Variants in OMA1 observed in about 807,000 individuals in gnomAD.
The protein encoded by OMA1 is metalloendopeptidase OMA1, mitochondrial.
In OMA1, 38 loss-of-function variants were observed where a neutral mutation model predicts 30.9. The observed-to-expected ratio is 1.23, with a 90% confidence interval of 0.95 to 1.61. OMA1 has a LOEUF of 1.61. Ranked by LOEUF, OMA1 falls within the 40% of genes most tolerant of loss-of-function variation. OMA1 has a pLI of 0.00. For synonymous variants in OMA1, 173 were observed against 121.9 expected, an observed-to-expected ratio of 1.42 and a Z score of -2.76; for missense variants, 461 against 349.2, an observed-to-expected ratio of 1.32 and a Z score of -2.55.
chr1:58,490,816 TTTTTTTTTTG>T (rs1314698265), intron 8 of OMA1, among the ~76,000 whole-genome samples: 1 of 133,804 alleles, frequency 7.5e-6, no homozygotes, highest in Non-Finnish European at 1.6e-5. Context: ...TTTTTTTTTT[TTTTTTTTTTG>T]AGACGGACTC....
At chr1:58,509,913 A>G (rs6587821) in intron 7 of OMA1, among the ~76,000 whole-genome samples, 27,026 of 152,020 alleles carry the variant, frequency 0.18, 2,537 homozygotes, top group Middle Eastern at 0.23. Flanking sequence ...ATAAACTCCA[A>G]GAAATATACA....
intron 6 of OMA1, among the ~76,000 whole-genome samples, chr1:58,528,255 A>T (rs1488069660): frequency 6.6e-6 from 1 of 152,222 alleles, no homozygotes; most frequent in East Asian, 1.9e-4. Flanking sequence ...CTGTGGCTTT[A>T]AAAAGAGAGA....
intron 8 of OMA1, among the ~76,000 whole-genome samples, chr1:58,496,825 A>C (rs901147281): frequency 6.6e-6 from 1 of 152,208 alleles, no homozygotes; most frequent in Non-Finnish European, 1.5e-5. Flanking sequence ...TCTGAGTTCT[A>C]AATAGATTCT....
At chr1:58,502,564 C>T (rs1028514678) in intron 8 of OMA1, among the ~76,000 whole-genome samples, 2 of 152,130 alleles carry the variant, frequency 1.3e-5, no homozygotes, top group South Asian at 2.1e-4. Context: ...AGGACAGGAA[C>T]CTTAGGTAGA....
At chr1:58,537,062 TTC>T (rs150887072) in intron 2 of OMA1, among the ~76,000 whole-genome samples, 229 of 145,290 alleles carry the variant, frequency 1.6e-3, no homozygotes, top group East Asian at 4.8e-3. Context: ...ACATGCAAAA[TTC>T]TCTCTCTCTC....
chr1:58,546,312 G>A (rs1242968936), intron 1 of OMA1, among the ~76,000 whole-genome samples: 1 of 152,230 alleles, frequency 6.6e-6, no homozygotes, highest in Admixed American at 6.5e-5. Flanking sequence ...GGAGCCCGAA[G>A]CCCCGCGGGT....
At chr1:58,502,071 G>A (rs769994286) in intron 8 of OMA1, among the ~76,000 whole-genome samples, 26 of 152,192 alleles carry the variant, frequency 1.7e-4, no homozygotes, top group South Asian at 8.3e-4. Context: ...AATACTTGTT[G>A]AATGCATAAA....
chr1:58,523,737 A>C (rs1167590767), intron 7 of OMA1, among the ~76,000 whole-genome samples: 1 of 152,092 alleles, frequency 6.6e-6, no homozygotes, highest in Non-Finnish European at 1.5e-5. Flanking sequence ...ATCTCTACTA[A>C]AAACACAAAA....
At chr1:58,546,567 G>T in intron 1 of OMA1, 136 bp downstream of exon 1, 1 of 138,684 alleles carries the variant, frequency 7.2e-6, no homozygotes, top group Non-Finnish European at 1.5e-5. Context: ...CCATCCCCAA[G>T]GATCCCCACT....
intron 7 of OMA1, among the ~76,000 whole-genome samples, chr1:58,511,947 TA>T (rs1379275152): frequency 6.6e-6 from 1 of 151,982 alleles, no homozygotes; most frequent in African/African-American, 2.4e-5. Context: ...TCTGCACAGC[TA>T]AGGAAACAGA....
intron 8 of OMA1, among the ~76,000 whole-genome samples, chr1:58,495,085 A>G (rs1425902475): frequency 6.6e-6 from 1 of 152,226 alleles, no homozygotes; most frequent in Non-Finnish European, 1.5e-5. Flanking sequence ...AATACTATGC[A>G]GCCATAAAAA....
rs774054945 is a variant in OMA1 at position 58,538,932 on chromosome 1, T to C, written c.363A>G (p.Val121=). 3 of 872,780 alleles carry C rather than the reference T, an allele frequency of 3.4e-6. No individual in the cohort carries two copies. The African/African-American group carries it at 4.9e-5, about 14-fold the overall frequency. 54.1% of individuals were successfully genotyped at this position (872,780 alleles called of 1,614,324 possible). A position where few individuals can be genotyped will look rare whatever the true frequency, so the allele number is the denominator to read the frequency against. Residue 121 remains valine (V), a synonymous_variant, in exon 2 of 9, where the codon GTA becomes GTG. Coordinates refer to ENST00000371226, the MANE Select transcript of OMA1 (RefSeq NM_145243.5). ...TGGAAGCAGGGCTTAGAGGATGCAA[T>C]ACTGACAGACTAGGGACTGCTGTAA... is the stretch of plus-strand genomic sequence containing the variant. The part of the protein sequence containing the change: ...KEVTAVPSLS[V]LHPLSPASIR...
intron 3 of OMA1, among the ~76,000 whole-genome samples, chr1:58,534,542 GT>G (rs895593285): frequency 3.3e-5 from 5 of 152,148 alleles, no homozygotes; most frequent in African/African-American, 7.2e-5. Flanking sequence ...CTAATACTAA[GT>G]TTTTTTATGA....
In OMA1 at chr1:58,513,827, C is replaced by G. The variant is rs543813601; in HGVS notation, c.1216-7618G>C. 2.0e-5 allele frequency among the ~76,000 whole-genome samples: 3 copies of G among 152,254 alleles called. No homozygotes were observed. In the East Asian group the frequency reaches 5.8e-4, roughly 29 times the overall value. On this transcript the variant is annotated intron_variant, in intron 7 of 8. Coordinates refer to ENST00000371226, the MANE Select transcript of OMA1 (RefSeq NM_145243.5). ...AAGTACTGTTATGACCCTCACTTTACAGATTAGATGAAGAAACCAAGATCC... is the reference window on the plus strand; with the variant it reads ...AAGTACTGTTATGACCCTCACTTTAGAGATTAGATGAAGAAACCAAGATCC...
intron 7 of OMA1, among the ~76,000 whole-genome samples, chr1:58,512,325 T>C (rs1249106154): frequency 1.3e-5 from 2 of 152,186 alleles, no homozygotes; most frequent in Non-Finnish European, 2.9e-5. Context: ...GTGTGGACTT[T>C]ATGAAAAACA....
At chr1:58,539,854 C>G (rs544837521) in intron 1 of OMA1, among the ~76,000 whole-genome samples, 1 of 152,018 alleles carries the variant, frequency 6.6e-6, no homozygotes, top group Non-Finnish European at 1.5e-5. Context: ...TCCCCTAAAT[C>G]GAAGAGATAA....
At chr1:58,533,491 T>C (rs956988341) in intron 5 of OMA1, among the ~76,000 whole-genome samples, 1 of 152,156 alleles carries the variant, frequency 6.6e-6, no homozygotes, top group Non-Finnish European at 1.5e-5. Context: ...GTTATTACTC[T>C]GTATTAATTA....
At chr1:58,513,303 C>A (rs530934046) in intron 7 of OMA1, among the ~76,000 whole-genome samples, 2 of 152,268 alleles carry the variant, frequency 1.3e-5, no homozygotes, top group East Asian at 1.9e-4. Context: ...TTTCCTGAGG[C>A]CTCCCCAGCC....
chr1:58,519,887 A>G (rs76305853), intron 7 of OMA1, among the ~76,000 whole-genome samples: 1,589 of 152,338 alleles, frequency 0.01, 37 homozygotes, highest in African/African-American at 0.036. Context: ...ACTGAAATTT[A>G]AAACTCAAAT....
Sources: allele counts gnomAD v4.1 joint callset (sites outside exome capture counted in the v4.1 genomes callset), GRCh38; gene constraint gnomAD v4.1.1; transcripts MANE v1.5; gene names NCBI Gene and HGNC (gene_info 2026-07-23, HGNC 2026-07-21).